The following VASH1 variants were observed in gnomAD, a reference collection of about 807,000 sequenced individuals.
VASH1 encodes the protein vasohibin 1.
VASH1 carries 16 observed loss-of-function variants against 35.0 expected under a neutral mutation model. The observed-to-expected ratio is 0.46, with a 90% confidence interval of 0.31 to 0.70. VASH1 has a LOEUF of 0.70. VASH1 is among the 30% of genes least tolerant of loss of function. The pLI is 0.05. For synonymous variants in VASH1, 214 were observed against 200.9 expected (o/e 1.07, Z -0.55); for missense variants, 505 against 510.7 (o/e 0.99, Z 0.11).
rs1269939707 is a variant in VASH1, at chr14:76,775,995, G to A, written c.634G>A (p.Ala212Thr). Residue 212 changes from alanine (A) to threonine (T), a missense_variant, in exon 5 of 7, where the codon GCG becomes ACG. Transcript: ENST00000167106. Reference sequence around the variant, plus strand: ...CCACATCGTGCTGGGGGTGAACTTCGCGGGCCGCTACGGTGCGCTGGGCAT... The same window carrying A: ...CCACATCGTGCTGGGGGTGAACTTCACGGGCCGCTACGGTGCGCTGGGCAT... ...FRHIVLGVNFAGRYGALGMSR... is the reference protein window; with the variant it reads ...FRHIVLGVNFTGRYGALGMSR... 2 of 1,612,130 alleles carry A rather than the reference G, an allele frequency of 1.2e-6. No individual in the cohort carries two copies. Among genetic ancestry groups the A allele is most frequent in the Non-Finnish European group, 1.7e-6 (2 of 1,179,576 alleles).
intron 5 of VASH1, among the ~76,000 whole-genome samples, chr14:76,776,972 C>G (rs1166805554): frequency 6.6e-6 from 1 of 152,162 alleles, no homozygotes; most frequent in African/African-American, 2.4e-5. Context: ...TCTTGACAGC[C>G]CTGGGAGGCC....
At chr14:76,769,325 G>T in intron 1 of VASH1, 1 of 1,289,072 alleles carries the variant, frequency 7.8e-7, no homozygotes, top group Non-Finnish European at 1.0e-6. Context: ...CTTGGAGGAG[G>T]ACCCGGCCCC....
chr14:76,777,859 T>C, intron 5 of VASH1, 100 bp from the exon 6 acceptor site: 1 of 873,612 alleles, frequency 1.1e-6, no homozygotes, highest in Non-Finnish European at 1.6e-6. Context: ...TCCCCGGGCC[T>C]TCCCCAGGGC....
At chr14:76,768,618 CCTT>C (rs970176831) in intron 1 of VASH1, among the ~76,000 whole-genome samples, 5 of 152,204 alleles carry the variant, frequency 3.3e-5, no homozygotes, top group Non-Finnish European at 5.9e-5. Context: ...TCACTTCCCT[CCTT>C]GTCAGAGCCC....
At chr14:76,777,689 T>G (rs1893981956) in intron 5 of VASH1, among the ~76,000 whole-genome samples, 1 of 152,336 alleles carries the variant, frequency 6.6e-6, no homozygotes, top group South Asian at 2.1e-4. Context: ...GGGGACTTTT[T>G]GCAATATTAT....
chr14:76,771,856 G>A (rs1893802939), intron 3 of VASH1, among the ~76,000 whole-genome samples: 1 of 152,214 alleles, frequency 6.6e-6, no homozygotes, highest in African/African-American at 2.4e-5. Flanking sequence ...GAAGCCCCGA[G>A]GGCAGAGGAG....
In VASH1 at chr14:76,782,397, G is replaced by C. The variant is rs1280295538; in HGVS notation, c.*3379G>C. 6.6e-6 allele frequency: 1 copy of C among 152,270 alleles called. No individual in the cohort carries two copies. Among genetic ancestry groups the C allele is most frequent in the Non-Finnish European group, 1.5e-5 (1 of 68,098 alleles). The allele number at this position is 152,270 out of a possible 1,614,324, so 9.4% of individuals were successfully genotyped here. Reference sequence around the variant, plus strand: ...CTTCCCACTGGGACTTGACTTCCCAGGTCAAGGAGTCCGTCTCATTCTGGC... The same window carrying C: ...CTTCCCACTGGGACTTGACTTCCCACGTCAAGGAGTCCGTCTCATTCTGGC... On this transcript the variant is annotated 3_prime_UTR_variant, in exon 7 of 7. Coordinates refer to ENST00000167106, the MANE Select transcript of VASH1 (RefSeq NM_014909.5).
intron 1 of VASH1, among the ~76,000 whole-genome samples, chr14:76,766,167 G>A (rs1313104342): frequency 1.3e-5 from 2 of 152,192 alleles, no homozygotes; most frequent in African/African-American, 2.4e-5. Context: ...CCCCACTAGC[G>A]CTTTGGAGAA....
chr14:76,769,473 G>A, intron 1 of VASH1: 2 of 1,288,908 alleles, frequency 1.6e-6, no homozygotes, highest in South Asian at 1.2e-5. Context: ...ATGATACTGG[G>A]TGGGTCCCCT....
chr14:76,765,690 A>G (rs1893624735), intron 1 of VASH1, among the ~76,000 whole-genome samples: 1 of 152,240 alleles, frequency 6.6e-6, no homozygotes, highest in Non-Finnish European at 1.5e-5. Flanking sequence ...TTTCTCACAT[A>G]AAGATCCAGA....
chr14:76,769,533 A>C, intron 1 of VASH1: 1 of 1,269,012 alleles, frequency 7.9e-7, no homozygotes. Flanking sequence ...CTAGGGCACC[A>C]CCTGAGAAGA....
At chr14:76,769,030 G>T (rs1479359038) in intron 1 of VASH1, among the ~76,000 whole-genome samples, 7 of 152,320 alleles carry the variant, frequency 4.6e-5, no homozygotes, top group East Asian at 1.9e-4. Context: ...TCACTGACTT[G>T]TTGGCAGCCA....
rs1566688288 is a variant in VASH1 at position 76,778,931 on chromosome 14, C to T, written c.1026-15C>T. On this transcript the variant is annotated splice_polypyrimidine_tract_variant and intron_variant, in intron 6 of 6. Coordinates refer to ENST00000167106, the MANE Select transcript of VASH1 (RefSeq NM_014909.5). ...CCACTCACTCTCCTCCCGCTCTGCT[C>T]TCTTCCTCCCACAGGCCCTCGGGTG... 1.9e-6 allele frequency: 3 copies of T among 1,614,020 alleles called. No individual in the cohort carries two copies. The highest frequency in any genetic ancestry group is 2.5e-6 in the Non-Finnish European group (3 of 1,179,858).
chr14:76,774,970 T>G (rs918638905), intron 4 of VASH1: 1 of 152,244 alleles, frequency 6.6e-6, no homozygotes, highest in Non-Finnish European at 1.5e-5. Context: ...GCCGAGCCGG[T>G]GCCGTGAGAC....
intron 5 of VASH1, among the ~76,000 whole-genome samples, chr14:76,776,517 T>TG (rs904326602): frequency 1.3e-5 from 2 of 152,018 alleles, no homozygotes; most frequent in Non-Finnish European, 2.9e-5. Flanking sequence ...AGGTCACTGG[T>TG]GGAGAATCAC....
In VASH1 at chr14:76,780,546, G is replaced by C. The variant is rs1353461307; in HGVS notation, c.*1528G>C. 1 of 152,366 alleles carries C rather than the reference G, an allele frequency of 6.6e-6. No homozygotes were observed. The highest frequency in any genetic ancestry group is 1.9e-4 in the East Asian group (1 of 5,200). The allele number at this position is 152,366 out of a possible 1,614,324, so 9.4% of individuals were successfully genotyped here. A position where few individuals can be genotyped will look rare whatever the true frequency, so the allele number is the denominator to read the frequency against. On this transcript the variant is annotated 3_prime_UTR_variant, in exon 7 of 7. Coordinates refer to ENST00000167106, the MANE Select transcript of VASH1 (RefSeq NM_014909.5). ...CAGAACTAGGGTTGTAAGCTCAAAT[G>C]ACGAGCAAACGGTGAGAAGGAGGCC...
chr14:76,778,142 T>C (rs1452427872), intron 6 of VASH1, 71 bp downstream of exon 6: 8 of 407,406 alleles, frequency 2.0e-5, no homozygotes, highest in Admixed American at 6.1e-5. Context: ...TGTGGGTCCC[T>C]TTTTTTTTTT....
At position 76,764,955 on chromosome 14, in the gene VASH1, G is replaced by C. The variant is rs192890334; in HGVS notation, c.309+1825G>C. Reference sequence around the variant, plus strand: ...AATCCACCCACCTCAGCCTCCCAAAGTGCTGGGATTACAGGCGTGAACCAC... The same window carrying C: ...AATCCACCCACCTCAGCCTCCCAAACTGCTGGGATTACAGGCGTGAACCAC... On this transcript the variant is annotated intron_variant, in intron 1 of 6. Transcript: ENST00000167106. 5.0e-3 allele frequency among the ~76,000 whole-genome samples: 758 copies of C among 152,208 alleles called. 3 individuals are homozygous for C. Among genetic ancestry groups the C allele is most frequent in the African/African-American group, 0.017 (725 of 41,530 alleles).
chr14:76,776,746 G>A (rs1164304810), intron 5 of VASH1, among the ~76,000 whole-genome samples: 1 of 152,134 alleles, frequency 6.6e-6, no homozygotes, highest in Non-Finnish European at 1.5e-5. Flanking sequence ...GTTGGGCTGG[G>A]GGCTGTTGTA....
Sources: allele counts gnomAD v4.1 joint callset (sites outside exome capture counted in the v4.1 genomes callset), GRCh38; gene constraint gnomAD v4.1.1; transcripts MANE v1.5; gene names NCBI Gene and HGNC (gene_info 2026-07-23, HGNC 2026-07-21).